The following LRRC69 variants were observed in gnomAD, a reference collection of about 807,000 sequenced individuals.
The protein encoded by LRRC69 is leucine-rich repeat-containing protein 69.
Under a neutral mutation model 37.8 loss-of-function variants are expected in LRRC69, and 42 were observed. That is an observed-to-expected ratio of 1.11 (90% confidence interval 0.87 to 1.44). The LOEUF is 1.44. LRRC69 is among the 40% of genes most tolerant of loss of function. The pLI is 0.00. For synonymous variants in LRRC69, 141 were observed against 143.1 expected, an observed-to-expected ratio of 0.99 and a Z score of 0.11; for missense variants, 357 against 401.9, an observed-to-expected ratio of 0.89 and a Z score of 0.96.
chr8:91,218,039 C>T (rs897349389), intron 7 of LRRC69, among the ~76,000 whole-genome samples: 1 of 152,114 alleles, frequency 6.6e-6, no homozygotes, highest in Non-Finnish European at 1.5e-5. Context: ...CCTGTCTGAA[C>T]CTTTCAATAG....
chr8:91,197,521 C>T (rs1055344220), intron 6 of LRRC69, among the ~76,000 whole-genome samples: 3 of 152,140 alleles, frequency 2.0e-5, no homozygotes, highest in South Asian at 2.1e-4. Context: ...ACCCTCCGAG[C>T]CAGGTGCGGG....
chr8:91,155,157 C>T (rs1288301819), intron 5 of LRRC69, among the ~76,000 whole-genome samples: 3 of 151,342 alleles, frequency 2.0e-5, no homozygotes, highest in African/African-American at 7.3e-5. Context: ...TGTAGGAATA[C>T]AGCTAACAAA....
At chr8:91,151,505 A>C (rs71528780) in intron 5 of LRRC69, among the ~76,000 whole-genome samples, 7,962 of 151,560 alleles carry the variant, frequency 0.053, 296 homozygotes, top group Middle Eastern at 0.16. Flanking sequence ...TTTACTTCCA[A>C]CTATGTATGT....
At chr8:91,173,107 G>A (rs1024408317) in intron 5 of LRRC69, among the ~76,000 whole-genome samples, 2 of 151,868 alleles carry the variant, frequency 1.3e-5, no homozygotes, top group Non-Finnish European at 2.9e-5. Flanking sequence ...TCCTAACTAG[G>A]CTATAGTTGC....
intron 5 of LRRC69, among the ~76,000 whole-genome samples, chr8:91,186,480 G>C (rs1473278760): frequency 6.6e-6 from 1 of 152,100 alleles, no homozygotes; most frequent in East Asian, 1.9e-4. Context: ...ATACAGGCCT[G>C]TCATGAGATC....
intron 5 of LRRC69, among the ~76,000 whole-genome samples, chr8:91,185,672 C>G (rs1361917432): frequency 2.0e-5 from 3 of 152,110 alleles, no homozygotes; most frequent in African/African-American, 7.2e-5. Context: ...TTGAATTTCC[C>G]ATTGGTCACA....
chr8:91,107,898 A>G (rs1813345891), intron 1 of LRRC69, among the ~76,000 whole-genome samples: 1 of 152,070 alleles, frequency 6.6e-6, no homozygotes, highest in Non-Finnish European at 1.5e-5. Flanking sequence ...ATCTTGTCTC[A>G]TCCCTATTGC....
At chr8:91,119,230 A>G (rs1285995861) in intron 1 of LRRC69, among the ~76,000 whole-genome samples, 13 of 152,036 alleles carry the variant, frequency 8.6e-5, no homozygotes, top group Non-Finnish European at 1.3e-4. Flanking sequence ...TCCTTGCTAC[A>G]GTGTTTCTGG....
At chr8:91,115,585 G>GCA (rs1278708109) in intron 1 of LRRC69, among the ~76,000 whole-genome samples, 2 of 151,904 alleles carry the variant, frequency 1.3e-5, no homozygotes, top group Admixed American at 1.3e-4. Flanking sequence ...TGTTCTCTAT[G>GCA]TACTAAAGTA....
intron 5 of LRRC69, among the ~76,000 whole-genome samples, chr8:91,168,390 A>G (rs1034668360): frequency 2.0e-5 from 3 of 151,850 alleles, no homozygotes; most frequent in African/African-American, 7.2e-5. Context: ...CTCCTGAACT[A>G]CTTCCAGTGG....
intron 5 of LRRC69, among the ~76,000 whole-genome samples, chr8:91,149,669 C>T (rs1277391213): frequency 6.6e-6 from 1 of 151,874 alleles, no homozygotes; most frequent in Non-Finnish European, 1.5e-5. Context: ...TATAAATTAC[C>T]TTGGGCAGTA....
At chr8:91,155,673 A>G (rs779581294) in intron 5 of LRRC69, among the ~76,000 whole-genome samples, 2 of 150,570 alleles carry the variant, frequency 1.3e-5, no homozygotes, top group Non-Finnish European at 3.0e-5. Context: ...AATAACCACT[A>G]TTCTACTCTC....
chr8:91,153,148 G>A (rs1489756518), intron 5 of LRRC69, among the ~76,000 whole-genome samples: 2 of 151,008 alleles, frequency 1.3e-5, no homozygotes, highest in Admixed American at 6.6e-5. Flanking sequence ...ATGGTAAAGG[G>A]ATCAACAAGA....
intron 7 of LRRC69, among the ~76,000 whole-genome samples, chr8:91,214,682 C>G (rs1810006203): frequency 6.6e-6 from 1 of 152,122 alleles, no homozygotes; most frequent in Admixed American, 6.6e-5. Flanking sequence ...TGCATTGATT[C>G]CATAAGCAGG....
At chr8:91,119,416 A>G (rs139292346) in intron 1 of LRRC69, among the ~76,000 whole-genome samples, 2 of 152,114 alleles carry the variant, frequency 1.3e-5, no homozygotes, top group Non-Finnish European at 2.9e-5. Context: ...CACTCACTTC[A>G]TCTTAGTTTT....
chr8:91,109,659 T>A (rs1341064724), intron 1 of LRRC69, among the ~76,000 whole-genome samples: 2 of 152,076 alleles, frequency 1.3e-5, no homozygotes, highest in African/African-American at 4.8e-5. Flanking sequence ...AGAATCCTTC[T>A]TATATTTCTT....
At chr8:91,149,700 AT>A (rs1436809258) in intron 5 of LRRC69, among the ~76,000 whole-genome samples, 1 of 151,806 alleles carries the variant, frequency 6.6e-6, no homozygotes, top group African/African-American at 2.4e-5. Context: ...CATGATATTG[AT>A]TCTTCCTACC....
intron 5 of LRRC69, among the ~76,000 whole-genome samples, chr8:91,147,455 A>C (rs1393022082): frequency 6.6e-6 from 1 of 150,922 alleles, no homozygotes; most frequent in African/African-American, 2.4e-5. Flanking sequence ...TCTTTGTTTG[A>C]GACGAGGTCT....
At chr8:91,152,986 C>G (rs558274949) in intron 5 of LRRC69, among the ~76,000 whole-genome samples, 1 of 151,320 alleles carries the variant, frequency 6.6e-6, no homozygotes, top group South Asian at 2.1e-4. Flanking sequence ...AGACCCATCT[C>G]ATGTGCCAAG....
Sources: allele counts gnomAD v4.1 joint callset (sites outside exome capture counted in the v4.1 genomes callset), GRCh38; gene constraint gnomAD v4.1.1; transcripts MANE v1.5; gene names NCBI Gene and HGNC (gene_info 2026-07-23, HGNC 2026-07-21).